Variants in CEP350 observed in about 807,000 individuals in gnomAD.
CEP350 encodes the protein centrosome-associated protein 350.
CEP350 carries 126 observed loss-of-function variants against 331.8 expected under a neutral mutation model. The ratio of observed to expected loss-of-function variants is 0.38; its 90% CI spans 0.33 to 0.44. The LOEUF is 0.44. Among genes scored for constraint, CEP350 ranks in the 20% least tolerant of loss-of-function variants. CEP350 has a pLI of 1.00. For synonymous variants in CEP350, 1,200 were observed against 1,259.5 expected, an observed-to-expected ratio of 0.95 and a Z score of 1.00; for missense variants, 3,406 against 3,634.6, an observed-to-expected ratio of 0.94 and a Z score of 1.62.
chr1:179,990,446 T>A, intron 3 of CEP350, 61 bp from the exon 4 acceptor site: 1 of 821,400 alleles, frequency 1.2e-6, no homozygotes, highest in South Asian at 2.1e-5. Context: ...CCATGTAAAT[T>A]GATGGTAGCT....
chr1:180,008,471 G>A (rs1364713036), intron 8 of CEP350, among the ~76,000 whole-genome samples: 1 of 152,080 alleles, frequency 6.6e-6, no homozygotes, highest in Non-Finnish European at 1.5e-5. Context: ...ACTGATAATA[G>A]TAATTATTAT....
intron 32 of CEP350, 149 bp downstream of exon 32, chr1:180,087,866 T>TA: frequency 2.2e-6 from 2 of 896,334 alleles, no homozygotes; most frequent in East Asian, 6.7e-5. Context: ...TTAAAATTGT[T>TA]ACATATTATA....
At chr1:180,023,347 C>G (rs1309570969) in intron 13 of CEP350, among the ~76,000 whole-genome samples, 1 of 152,090 alleles carries the variant, frequency 6.6e-6, no homozygotes, top group East Asian at 1.9e-4. Flanking sequence ...GTTATGAAAT[C>G]AGTCCATGAA....
intron 15 of CEP350, among the ~76,000 whole-genome samples, chr1:180,033,324 A>G (rs1328900337): frequency 6.6e-6 from 1 of 152,184 alleles, no homozygotes; most frequent in Non-Finnish European, 1.5e-5. Context: ...TAAAAAGCAG[A>G]TATAAAGAAA....
At chr1:180,090,668 A>T in intron 32 of CEP350, 46 bp from the exon 33 acceptor site, 1 of 1,488,726 alleles carries the variant, frequency 6.7e-7, no homozygotes, top group Non-Finnish European at 9.0e-7. Flanking sequence ...GTTACCAGTT[A>T]TTATAGTAAT....
intron 28 of CEP350, among the ~76,000 whole-genome samples, chr1:180,075,895 C>A (rs546240143): frequency 6.6e-6 from 1 of 151,374 alleles, no homozygotes; most frequent in African/African-American, 2.4e-5. Flanking sequence ...AGGTGGAGGT[C>A]GCAGTGAGCC....
intron 32 of CEP350, among the ~76,000 whole-genome samples, chr1:180,089,947 G>A (rs1055595313): frequency 6.6e-6 from 1 of 152,206 alleles, no homozygotes; most frequent in African/African-American, 2.4e-5. Context: ...AAGGTAGGAC[G>A]TGAAAGCCAA....
chr1:180,081,798 TATC>T (rs1558147272), intron 30 of CEP350, among the ~76,000 whole-genome samples: 1 of 152,248 alleles, frequency 6.6e-6, no homozygotes, highest in Non-Finnish European at 1.5e-5. Context: ...GTGTATGTGA[TATC>T]ATATATCATT....
At chr1:180,006,431 C>T (rs950353979) in intron 7 of CEP350, 23 bp from the exon 8 acceptor site, 3 of 1,071,744 alleles carry the variant, frequency 2.8e-6, no homozygotes, top group Admixed American at 2.0e-5. Flanking sequence ...GTTATATTTG[C>T]TGTAAATATT....
chr1:180,091,959 A>G (rs1428276100), intron 33 of CEP350, among the ~76,000 whole-genome samples: 2 of 151,890 alleles, frequency 1.3e-5, no homozygotes, highest in East Asian at 3.9e-4. Context: ...GGCTGAGGCT[A>G]AGGATCGCTT....
rs1661466521 is a variant in CEP350 at position 180,111,540 on chromosome 1, T to G, written c.*379T>G. 1 of 166,662 alleles carries G rather than the reference T, an allele frequency of 6.0e-6. No individual in the cohort carries two copies. The highest frequency in any genetic ancestry group is 1.3e-5 in the Non-Finnish European group (1 of 77,092). 10.3% of individuals were successfully genotyped at this position (166,662 alleles called of 1,614,324 possible). A position where few individuals can be genotyped will look rare whatever the true frequency, so the allele number is the denominator to read the frequency against. On this transcript the variant is annotated 3_prime_UTR_variant, in exon 38 of 38. Transcript: ENST00000367607. ...ATAGATAAATGCATCACATCACTTT[T>G]GAAATGTAATTCTGGTCTATACCAT...
Position 180,114,422 on chromosome 1 carries a change from AATC to A in CEP350, c.*3265_*3267del, listed in dbSNP as rs1321393658. 37 of 152,674 alleles carry A rather than the reference AATC, an allele frequency of 2.4e-4. 1 individual carries two copies. The highest frequency in any genetic ancestry group is 2.9e-4 in the Non-Finnish European group (20 of 68,038). The allele number at this position is 152,674 out of a possible 1,614,324, so 9.5% of individuals were successfully genotyped here. On this transcript the variant is annotated 3_prime_UTR_variant, in exon 38 of 38. Transcript: ENST00000367607. ...AATTGTAGGAATTTACATGTTTACA[AATC>A]ATCTTCAACTGGTTGTGCAGCAATT...
Position 180,080,042 on chromosome 1 carries a change from G to C in CEP350, c.5980-475G>C, listed in dbSNP as rs79382143. Among the ~76,000 whole-genome samples, 1,080 of 152,270 alleles carry C rather than the reference G, an allele frequency of 7.1e-3. 5 individuals carry two copies. The highest frequency in any genetic ancestry group is 9.1e-3 in the Non-Finnish European group (617 of 68,018). On this transcript the variant is annotated intron_variant, in intron 29 of 37. Coordinates refer to ENST00000367607, the MANE Select transcript of CEP350 (RefSeq NM_014810.5). ...AGGGATAGGAAGTGATAGTAGCTAG[G>C]AATCAAATCAGGCATCTCACTTCCA... is the stretch of plus-strand genomic sequence containing the variant.
At chr1:179,955,202 G>C (rs1650074850) in intron 1 of CEP350, 60 bp downstream of exon 1, 7 of 1,245,186 alleles carry the variant, frequency 5.6e-6, no homozygotes, top group Non-Finnish European at 7.2e-6. Context: ...AACTGTCTCT[G>C]TCCGCGGTCC....
intron 7 of CEP350, among the ~76,000 whole-genome samples, chr1:180,005,789 G>C (rs543038829): frequency 2.0e-5 from 3 of 152,002 alleles, no homozygotes; most frequent in Middle Eastern, 3.4e-3. Context: ...CTGCTTGCTG[G>C]GTTTCTTTTT....
intron 27 of CEP350, among the ~76,000 whole-genome samples, chr1:180,067,915 C>T (rs113572363): frequency 3.2e-4 from 48 of 152,294 alleles, no homozygotes; most frequent in Admixed American, 9.2e-4. Context: ...CATAGTCATT[C>T]GCTATGGTAG....
Position 180,111,385 on chromosome 1 carries a change from G to A in CEP350, c.*224G>A, listed in dbSNP as rs1277729312. The A allele has an allele frequency of 6.1e-6, 3 of 494,824 alleles. No homozygotes were observed. The highest frequency in any genetic ancestry group is 3.9e-5 in the African/African-American group (2 of 51,498). 30.7% of individuals were successfully genotyped at this position (494,824 alleles called of 1,614,324 possible). A position where few individuals can be genotyped will look rare whatever the true frequency, so the allele number is the denominator to read the frequency against. On this transcript the variant is annotated 3_prime_UTR_variant, in exon 38 of 38. Transcript: ENST00000367607. Reference sequence around the variant, plus strand: ...TAATGGGTTATTTTCAGTGGGCAGGGTTGCACAGTGTAATCCTACACCTTT... The same window carrying A: ...TAATGGGTTATTTTCAGTGGGCAGGATTGCACAGTGTAATCCTACACCTTT...
intron 20 of CEP350, 95 bp downstream of exon 20, chr1:180,043,287 T>C (rs1656890932): frequency 7.2e-7 from 1 of 1,394,784 alleles, no homozygotes; most frequent in Admixed American, 2.6e-5. Flanking sequence ...GTTATAGGCA[T>C]TATTCTTGGT....
At position 179,954,967 on chromosome 1, in the gene CEP350, C is replaced by T. The variant is rs1650053821; in HGVS notation, c.-189C>T. On this transcript the variant is annotated 5_prime_UTR_variant, in exon 1 of 38. Coordinates refer to ENST00000367607, the MANE Select transcript of CEP350 (RefSeq NM_014810.5). ...GAGGCAGCCTTTCCGCCTTGTCTTC[C>T]TTCCCAGCGGACCGGCGGATCCCCG... The T allele has an allele frequency of 1.7e-6, 2 of 1,183,952 alleles. No individual in the cohort carries two copies. Among genetic ancestry groups the T allele is most frequent in the South Asian group, 2.1e-5 (1 of 46,642 alleles). 73.3% of individuals were successfully genotyped at this position (1,183,952 alleles called of 1,614,324 possible). A position where few individuals can be genotyped will look rare whatever the true frequency, so the allele number is the denominator to read the frequency against.
Sources: gnomAD v4.1 joint callset for allele counts (sites outside exome capture counted in the v4.1 genomes callset) on GRCh38, gnomAD v4.1.1 for gene constraint, MANE v1.5 for transcripts, NCBI Gene and HGNC (gene_info 2026-07-23, HGNC 2026-07-21) for gene names.